TELO2: variants seen among roughly 807,000 people sequenced by gnomAD.
TELO2 encodes telomere maintenance 2, also known as telomere length regulation protein TEL2 homolog.
A neutral mutation model predicts 91.0 loss-of-function variants in TELO2; 71 were observed. That is an observed-to-expected ratio of 0.78 (90% CI 0.64 to 0.95). The LOEUF (loss-of-function observed/expected upper bound fraction) is 0.95. TELO2 is among the 40% of genes least tolerant of loss of function. TELO2 has a pLI of 0.00. For synonymous variants in TELO2, 584 were observed against 518.9 expected (o/e 1.13, Z -1.71); for missense variants, 1,183 against 1,141.3 (o/e 1.04, Z -0.53).
intron 14 of TELO2, 76 bp from the exon 15 acceptor site, chr16:1,502,855 G>C: frequency 6.2e-7 from 1 of 1,602,968 alleles, no homozygotes. Flanking sequence ...GCTGGAGCTG[G>C]CTGTGAGGTG....
chr16:1,502,841 C>T, intron 14 of TELO2, 80 bp downstream of exon 14: 1 of 1,602,622 alleles, frequency 6.2e-7, no homozygotes, highest in Non-Finnish European at 8.5e-7. Flanking sequence ...AGTCTCGGTC[C>T]TGTGCTGGAG....
Position 1,497,320 on chromosome 16 carries a change from G to C in TELO2, c.683-41G>C. The C allele has an allele frequency of 6.6e-7, 1 of 1,515,280 alleles. No individual in the cohort carries two copies. The highest frequency in any genetic ancestry group is 1.3e-5 in the South Asian group (1 of 79,208). The allele number at this position is 1,515,280 out of a possible 1,614,324, so 93.9% of individuals were successfully genotyped here. Reference sequence around the variant, plus strand: ...CCACACAGCCCCAGACACCAGGTGGGTGCAGCTCCCCAGGCTCAGGTCCTC... The same window carrying C: ...CCACACAGCCCCAGACACCAGGTGGCTGCAGCTCCCCAGGCTCAGGTCCTC... On this transcript the variant is annotated intron_variant, in intron 4 of 20. Coordinates refer to ENST00000262319, the MANE Select transcript of TELO2 (RefSeq NM_016111.4). The surrounding 1 kb of genome is among the most constrained non-coding windows in gnomAD (Gnocchi z 4.0).
At position 1,494,792 on chromosome 16, in the gene TELO2, G is replaced by A. The variant is rs995446174; in HGVS notation, c.335+176G>A. On this transcript the variant is annotated intron_variant, in intron 2 of 20. Transcript: ENST00000262319. This position sits in a 1 kb window ranked among gnomAD's most constrained non-coding sequence, Gnocchi z 5.6. ...TGTGTCTGTCTCCTTTGCGACGGGA[G>A]GCACCTGCTGTGTCTCACAAAGTCC... 1.4e-4 allele frequency among the ~76,000 whole-genome samples: 22 copies of A among 152,212 alleles called. No homozygotes were observed. The highest frequency in any genetic ancestry group is 1.2e-4 in the Non-Finnish European group (8 of 68,032).
rs763009551 is a variant in TELO2, at chr16:1,505,610, C to T, written c.2034+9C>T. ...CCCAGCGGCTCTCCAAGGTTAGTGG[C>T]GCCTGGTCAGCTCCTCACGGGCATG... On this transcript the variant is annotated intron_variant, in intron 16 of 20. Transcript: ENST00000262319. The surrounding 1 kb of genome is among the most constrained non-coding windows in gnomAD (Gnocchi z 4.3). 50 of 1,600,120 alleles carry T rather than the reference C, an allele frequency of 3.1e-5. No homozygotes were observed. The highest frequency in any genetic ancestry group is 1.7e-4 in the South Asian group (15 of 90,676).
At chr16:1,496,542 C>G (rs531334407) in intron 3 of TELO2, among the ~76,000 whole-genome samples, 1 of 152,206 alleles carries the variant, frequency 6.6e-6, no homozygotes, top group Non-Finnish European at 1.5e-5. Flanking sequence ...CTGGTCCCCA[C>G]GCGGCTCTGT....
intron 17 of TELO2, chr16:1,506,681 T>TG (rs2039904773): frequency 1.5e-6 from 2 of 1,361,502 alleles, no homozygotes; most frequent in Admixed American, 6.7e-5. Context: ...GCTCTCGAGA[T>TG]GGCAGAGAAG....
At chr16:1,508,380 C>T (rs1596273743) in intron 20 of TELO2, among the ~76,000 whole-genome samples, 1 of 152,216 alleles carries the variant, frequency 6.6e-6, no homozygotes, top group East Asian at 1.9e-4. Flanking sequence ...ATCCACCCGC[C>T]TCAGCCTCCC....
intron 9 of TELO2, among the ~76,000 whole-genome samples, chr16:1,501,115 G>A (rs556210057): frequency 6.6e-6 from 1 of 152,364 alleles, no homozygotes; most frequent in East Asian, 1.9e-4. Context: ...GGCTGTGGAG[G>A]TGACGGCCTG....
Position 1,497,094 on chromosome 16 carries a change from C to T in TELO2, c.672C>T (p.His224=), listed in dbSNP as rs147498237. Residue 224 remains histidine (H), a synonymous_variant, in exon 4 of 21, where the codon CAC becomes CAT. Transcript: ENST00000262319. This position sits in a 1 kb window ranked among gnomAD's most constrained non-coding sequence, Gnocchi z 4.0. ...AGGTCCTTGGGAAAGCCTGTGTCCA[C>T]GGGAGGCAGCGTGAGTAGAGCAGTG... is the stretch of plus-strand genomic sequence containing the variant. The part of the protein sequence containing the change: ...VSQVLGKACV[H]GRQQEILGVL... 1.2e-5 allele frequency: 19 copies of T among 1,613,930 alleles called. No homozygotes were observed. The African/African-American group carries it at 1.5e-4, about 12-fold the overall frequency.
chr16:1,505,535 C>T lies in TELO2; in HGVS notation c.1968C>T (p.Ala656=), dbSNP rs140525704. The stretch of plus-strand genomic sequence containing the variant: ...CAGCCGTCTCTCAGCCTGGCAGTGC[C>T]GTGGCGTCTGACTGGCGGGTGGTGG... The part of the protein sequence containing the change: ...PEAAVSQPGS[A]VASDWRVVVE... Residue 656 remains alanine (A), a synonymous_variant, in exon 16 of 21, where the codon GCC becomes GCT. Coordinates refer to ENST00000262319, the MANE Select transcript of TELO2 (RefSeq NM_016111.4). This position sits in a 1 kb window ranked among gnomAD's most constrained non-coding sequence, Gnocchi z 4.3. The T allele has an allele frequency of 2.6e-4, 416 of 1,611,716 alleles. 1 individual carries two copies. Among genetic ancestry groups the T allele is most frequent in the Non-Finnish European group, 3.4e-4 (405 of 1,179,178 alleles).
rs757668981 is a variant in TELO2 at position 1,506,257 on chromosome 16, C to T, written c.2054C>T (p.Pro685Leu). The change falls in exon 17 of 21, where the codon CCG (proline) becomes CTG (leucine). Residue 685 changes from proline (P) to leucine (L), a missense_variant. Physicochemically the swap from Pro to Leu is moderately conservative, Grantham distance 98. Transcript: ENST00000262319. ...TGGCAGGGTGGCCCGAGGCAGGGCCCGGCAGGCAGCCCCAGCAGATTCAAC... is the reference window on the plus strand; with the variant it reads ...TGGCAGGGTGGCCCGAGGCAGGGCCTGGCAGGCAGCCCCAGCAGATTCAAC... ...RLSKGGPRQG[P>L]AGSPSRFNSV... The T allele has an allele frequency of 2.6e-5, 42 of 1,613,540 alleles. No homozygotes were observed. Among genetic ancestry groups the T allele is most frequent in the Middle Eastern group, 1.6e-4 (1 of 6,084 alleles).
intron 5 of TELO2, 93 bp from the exon 6 acceptor site, chr16:1,499,138 C>T (rs888798225): frequency 3.7e-6 from 5 of 1,338,792 alleles, no homozygotes; most frequent in Non-Finnish European, 5.3e-6. Flanking sequence ...GGCCGGGAGT[C>T]AGGCCGCCGT....
Position 1,500,696 on chromosome 16 carries a change from C to T in TELO2, c.1278C>T (p.Phe426=), listed in dbSNP as rs2039648627. 1 of 1,612,318 alleles carries T rather than the reference C, an allele frequency of 6.2e-7. No individual in the cohort carries two copies. Among genetic ancestry groups the T allele is most frequent in the South Asian group, 1.1e-5 (1 of 91,074 alleles). Residue 426 remains phenylalanine, a synonymous_variant, in exon 9 of 21, where the codon TTC becomes TTT. Coordinates refer to ENST00000262319, the MANE Select transcript of TELO2 (RefSeq NM_016111.4). The part of the protein sequence containing the change: ...RIHPEGPPLK[F]QYEEDELSLE... ...ACCCCGAGGGGCCTCCCCTGAAATT[C>T]CAGGTGAGCGGGCCGTCCCCTCCGC...
intron 2 of TELO2, 79 bp from the exon 3 acceptor site, chr16:1,495,267 G>A (rs1176749373): frequency 3.6e-5 from 53 of 1,476,302 alleles, no homozygotes; most frequent in Non-Finnish European, 4.3e-5. Context: ...GTGTAATCCG[G>A]GCTGCTGGTT....
rs572407663 is a variant in TELO2, at chr16:1,496,657, G to A, written c.614-379G>A. Among the ~76,000 whole-genome samples, 194 of 152,284 alleles carry A rather than the reference G, an allele frequency of 1.3e-3. 2 individuals are homozygous for A. The highest frequency in any genetic ancestry group is 3.7e-4 in the Non-Finnish European group (25 of 68,016). On this transcript the variant is annotated intron_variant, in intron 3 of 20. Transcript: ENST00000262319. ...GTGCGCTCCTTCCCTGTGGGCGGCC[G>A]TGGTGGTGGTGCTGCTCCAGGGTCT...
chr16:1,495,554 C>A lies in TELO2; in HGVS notation c.544C>A (p.Gln182Lys), dbSNP rs1352834765. ...GGAGAACTTGGCCGAGTTCTTCCCC[C>A]AGAACTACTTCCGCCTGCTCGGCGA... ...QQENLAEFFP[Q>K]NYFRLLGEEV... Residue 182 changes from glutamine (Q) to lysine (K), a missense_variant, in exon 3 of 21, where the codon CAG becomes AAG. Transcript: ENST00000262319. 1.2e-6 allele frequency: 2 copies of A among 1,612,096 alleles called. No homozygotes were observed. Among genetic ancestry groups the A allele is most frequent in the East Asian group, 2.2e-5 (1 of 44,878 alleles).
Position 1,502,781 on chromosome 16 carries a change from GC to G in TELO2, c.1770+23del. Reference sequence around the variant, plus strand: ...GCCCCGGTGAGTTCCCGCACCCGTGGCCCTGGCCAGTGCAGGCACAGCGGGA... The same window carrying G: ...GCCCCGGTGAGTTCCCGCACCCGTGGCCTGGCCAGTGCAGGCACAGCGGGA... On this transcript the variant is annotated intron_variant, in intron 14 of 20. Coordinates refer to ENST00000262319, the MANE Select transcript of TELO2 (RefSeq NM_016111.4). 1 of 1,609,470 alleles carries G rather than the reference GC, an allele frequency of 6.2e-7. No individual in the cohort carries two copies. The highest frequency in any genetic ancestry group is 8.5e-7 in the Non-Finnish European group (1 of 1,179,376).
rs764539790 is a variant in TELO2 at position 1,495,638 on chromosome 16, C to G, written c.613+15C>G. 1.1e-5 allele frequency: 18 copies of G among 1,570,328 alleles called. No individual in the cohort carries two copies. The South Asian group carries it at 1.6e-4, about 14-fold the overall frequency. On this transcript the variant is annotated intron_variant, in intron 3 of 20. Coordinates refer to ENST00000262319, the MANE Select transcript of TELO2 (RefSeq NM_016111.4). Reference sequence around the variant, plus strand: ...CTCTCTCCAAGGTGAGGCCCTGCCTCGGGGACCCCCTTTGCCACCCGTCTT... The same window carrying G: ...CTCTCTCCAAGGTGAGGCCCTGCCTGGGGGACCCCCTTTGCCACCCGTCTT...
At position 1,500,403 on chromosome 16, in the gene TELO2, C is replaced by A; in HGVS notation, c.1059C>A (p.Pro353=). 1.2e-6 allele frequency: 2 copies of A among 1,602,420 alleles called. No individual in the cohort carries two copies. The highest frequency in any genetic ancestry group is 4.5e-5 in the East Asian group (2 of 44,348). ...WGSSSAIRHT[P]LPQQRHVSKA... ...GCAGCAGTGCCATCCGCCACACTCC[C>A]CTGCCGCAGCAGCGCCACGTCAGCA... The change falls in exon 8 of 21, where the codon CCC becomes CCA. Residue 353 remains proline, a synonymous_variant. Coordinates refer to ENST00000262319, the MANE Select transcript of TELO2 (RefSeq NM_016111.4).
Sources: gnomAD v4.1 joint callset for allele counts (sites outside exome capture counted in the v4.1 genomes callset) on GRCh38, gnomAD v4.1.1 for gene constraint, Gnocchi (gnomAD v3.1) non-coding constraint, MANE v1.5 for transcripts, NCBI Gene and HGNC (gene_info 2026-07-23, HGNC 2026-07-21) for gene names.